The following SP9 variants were observed in gnomAD, a reference collection of about 807,000 sequenced individuals.
SP9 encodes Sp9 transcription factor, also known as transcription factor Sp9.
Under a neutral mutation model 23.0 loss-of-function variants are expected in SP9, and 5 were observed. The ratio of observed to expected loss-of-function variants is 0.22; its 90% CI spans 0.11 to 0.46. The LOEUF (loss-of-function observed/expected upper bound fraction) is 0.46, where lower values mean the gene tolerates loss of function less well. SP9 is among the 20% of genes least tolerant of loss of function. The pLI, the probability that SP9 is intolerant of heterozygous loss-of-function variation, is 0.99. For synonymous variants in SP9, 360 were observed against 356.5 expected (o/e 1.01, Z -0.11); for missense variants, 542 against 724.0 (o/e 0.75, Z 2.88).
chr2:174,337,476 C>CGGA lies in SP9; in HGVS notation c.1393_1394insAGG (p.Ala464_Ala465insGlu), dbSNP rs1262770810. 1 of 1,178,860 alleles carries CGGA rather than the reference C, an allele frequency of 8.5e-7. No homozygotes were observed. Among genetic ancestry groups the CGGA allele is most frequent in the African/African-American group, 1.6e-5 (1 of 61,420 alleles). The allele number at this position is 1,178,860 out of a possible 1,614,324, so 73.0% of individuals were successfully genotyped here. On this transcript the variant is annotated inframe_insertion, in exon 2 of 2. Transcript: ENST00000394967. ...GCGGCAGCGGCGGCGGCGGCAGCGG[C>CGGA]GGCGGCGGCGGCGGCGGCCTCCGCG...
At chr2:174,335,904 C>T in intron 1 of SP9, 1 of 551,852 alleles carries the variant, frequency 1.8e-6, no homozygotes, top group Non-Finnish European at 3.2e-6. Context: ...GCGCCTGGAC[C>T]TTCGCCCGGG....
Position 174,336,601 on chromosome 2 carries a change from G to T in SP9, c.516G>T (p.Val172=). The change falls in exon 2 of 2, where the codon GTG becomes GTT. Residue 172 remains valine (V), a synonymous_variant. Coordinates refer to ENST00000394967, the MANE Select transcript of SP9 (RefSeq NM_001145250.2). ...GFHSTLAAGE[V]TNGAASSWWD... ...ATTCGACGCTGGCGGCCGGCGAGGT[G>T]ACCAACGGCGCGGCGTCGTCGTGGT... The T allele has an allele frequency of 6.3e-6, 9 of 1,427,132 alleles. No homozygotes were observed. The highest frequency in any genetic ancestry group is 8.2e-6 in the Non-Finnish European group (9 of 1,095,054). The allele number at this position is 1,427,132 out of a possible 1,614,324, so 88.4% of individuals were successfully genotyped here.
intron 1 of SP9, 153 bp downstream of exon 1, chr2:174,335,266 C>A: frequency 1.2e-6 from 1 of 840,862 alleles, no homozygotes; most frequent in Non-Finnish European, 1.8e-6. Context: ...ACTGATTTTT[C>A]CCCAAGTTTT....
At position 174,337,572 on chromosome 2, in the gene SP9, A is replaced by G. The variant is rs1385136764; in HGVS notation, c.*32A>G. ...GGCGAGAGGCGCGAGCACACAAGCG[A>G]GTAGAGACACCGAGAACGAACGAGA... On this transcript the variant is annotated 3_prime_UTR_variant, in exon 2 of 2. Coordinates refer to ENST00000394967, the MANE Select transcript of SP9 (RefSeq NM_001145250.2). 8 of 1,141,248 alleles carry G rather than the reference A, an allele frequency of 7.0e-6. No homozygotes were observed. Among genetic ancestry groups the G allele is most frequent in the Non-Finnish European group, 8.6e-6 (8 of 930,494 alleles). The allele number at this position is 1,141,248 out of a possible 1,614,324, so 70.7% of individuals were successfully genotyped here.
Position 174,336,532 on chromosome 2 carries a change from G to A in SP9, c.447G>A (p.Val149=), listed in dbSNP as rs1684416147. 1.4e-6 allele frequency: 2 copies of A among 1,441,130 alleles called. No homozygotes were observed. Among genetic ancestry groups the A allele is most frequent in the Non-Finnish European group, 1.8e-6 (2 of 1,100,986 alleles). 89.3% of individuals were successfully genotyped at this position (1,441,130 alleles called of 1,614,324 possible). A position where few individuals can be genotyped will look rare whatever the true frequency, so the allele number is the denominator to read the frequency against. ...TTAADGLYPR[V]GMAHPYESWY... is the part of the protein sequence containing the mutation. ...CAGCCGACGGGCTGTACCCGCGCGTGGGCATGGCGCACCCGTACGAGTCCT... is the reference window on the plus strand; with the variant it reads ...CAGCCGACGGGCTGTACCCGCGCGTAGGCATGGCGCACCCGTACGAGTCCT... Residue 149 remains valine (V), a synonymous_variant, in exon 2 of 2, where the codon GTG becomes GTA. Transcript: ENST00000394967.
At chr2:174,335,310 C>A in intron 1 of SP9, 197 bp downstream of exon 1, 2 of 554,526 alleles carry the variant, frequency 3.6e-6, no homozygotes, top group Non-Finnish European at 3.3e-6. Context: ...CAAGAAAAGG[C>A]CTTCTTAATC....
At position 174,336,260 on chromosome 2, in the gene SP9, C is replaced by A. The variant is rs1246157301; in HGVS notation, c.175C>A (p.Leu59Ile). ...GAAGCGCTCCTCGTCCAGCTGCAAC[C>A]TCGGCTCCAGCCTCTCGGGCTTCGC... The part of the protein sequence containing the change: ...PWKRSSSSCN[L>I]GSSLSGFAVA... The change falls in exon 2 of 2, where the codon CTC (leucine) becomes ATC (isoleucine). Residue 59 changes from leucine (L) to isoleucine (I), a missense_variant. By Grantham distance (5) the Leu-to-Ile change is conservative (BLOSUM62 2). This residue lies in a region of SP9 where 201 missense variants were observed against 226.3 expected (regional missense o/e 0.89). Transcript: ENST00000394967. The A allele has an allele frequency of 1.3e-6, 2 of 1,544,580 alleles. No homozygotes were observed. Among genetic ancestry groups the A allele is most frequent in the South Asian group, 2.4e-5 (2 of 83,900 alleles).
rs752647941 is a variant in SP9 at position 174,336,433 on chromosome 2, G to A, written c.348G>A (p.Ala116=). The A allele has an allele frequency of 3.2e-5, 47 of 1,467,264 alleles. 1 individual carries two copies. The Middle Eastern group carries it at 1.1e-3, about 33-fold the overall frequency. 90.9% of individuals were successfully genotyped at this position (1,467,264 alleles called of 1,614,324 possible). ...TCTTCTCCAACTCGGCGGCTGCCGC[G>A]GCGGCAGCGGCCGGGGTGTCCCCGC... ...GGLFSNSAAA[A]AAAAGVSPQE... Residue 116 remains alanine, a synonymous_variant, in exon 2 of 2, where the codon GCG becomes GCA. Transcript: ENST00000394967.
Position 174,336,548 on chromosome 2 carries a change from T to C in SP9, c.463T>C (p.Tyr155His). ...LYPRVGMAHP[Y>H]ESWYKSGFHS... ...CCCGCGCGTGGGCATGGCGCACCCGTACGAGTCCTGGTACAAGTCGGGCTT... is the reference window on the plus strand; with the variant it reads ...CCCGCGCGTGGGCATGGCGCACCCGCACGAGTCCTGGTACAAGTCGGGCTT... The change falls in exon 2 of 2, where the codon TAC becomes CAC. Residue 155 changes from tyrosine (Y) to histidine (H), a missense_variant. This residue lies in a region of SP9 where 4 missense variants were observed against 23.9 expected (regional missense o/e 0.17). Coordinates refer to ENST00000394967, the MANE Select transcript of SP9 (RefSeq NM_001145250.2). The C allele has an allele frequency of 7.0e-7, 1 of 1,434,200 alleles. No individual in the cohort carries two copies. The highest frequency in any genetic ancestry group is 9.1e-7 in the Non-Finnish European group (1 of 1,097,840). The allele number at this position is 1,434,200 out of a possible 1,614,324, so 88.8% of individuals were successfully genotyped here.
chr2:174,336,067 C>G (rs1384982147), intron 1 of SP9, 40 bp from the exon 2 acceptor site: 1 of 1,537,216 alleles, frequency 6.5e-7, no homozygotes, highest in Non-Finnish European at 8.8e-7. Context: ...TCCTCTTGCC[C>G]TCCTCCTTCT....
chr2:174,337,225 G>A lies in SP9; in HGVS notation c.1140G>A (p.Gln380=). Residue 380 remains glutamine, a synonymous_variant, in exon 2 of 2, where the codon CAG becomes CAA. Transcript: ENST00000394967. ...GCTTCACGCGCTCGGACGAGCTGCA[G>A]CGGCATCTGCGGACTCACACGGGCG... The part of the protein sequence containing the change: ...GKRFTRSDEL[Q]RHLRTHTGEK... 6.3e-7 allele frequency: 1 copy of A among 1,590,270 alleles called. No individual in the cohort carries two copies. The highest frequency in any genetic ancestry group is 8.6e-7 in the Non-Finnish European group (1 of 1,168,934).
rs1684421282 is a variant in SP9 at position 174,336,777 on chromosome 2, C to T, written c.692C>T (p.Ala231Val). 6.5e-7 allele frequency: 1 copy of T among 1,532,226 alleles called. No individual in the cohort carries two copies. Among genetic ancestry groups the T allele is most frequent in the Non-Finnish European group, 8.7e-7 (1 of 1,145,188 alleles). 94.9% of individuals were successfully genotyped at this position (1,532,226 alleles called of 1,614,324 possible). A position where few individuals can be genotyped will look rare whatever the true frequency, so the allele number is the denominator to read the frequency against. ...NPDFSSLTHS[A>V]FSSTGLGSSA... ...GACTTCAGCTCGCTCACGCACTCCG[C>T]CTTCAGCTCCACGGGCCTCGGCTCC... The change falls in exon 2 of 2, where the codon GCC (alanine) becomes GTC (valine). Residue 231 changes from alanine to valine, a missense_variant. Ala to Val is a moderately conservative substitution (Grantham distance 64). Coordinates refer to ENST00000394967, the MANE Select transcript of SP9 (RefSeq NM_001145250.2).
Position 174,337,721 on chromosome 2 carries a change from G to C in SP9, c.*181G>C. 1 of 756,420 alleles carries C rather than the reference G, an allele frequency of 1.3e-6. No homozygotes were observed. Among genetic ancestry groups the C allele is most frequent in the Non-Finnish European group, 1.6e-6 (1 of 606,424 alleles). The allele number at this position is 756,420 out of a possible 1,614,324, so 46.9% of individuals were successfully genotyped here. On this transcript the variant is annotated 3_prime_UTR_variant, in exon 2 of 2. Coordinates refer to ENST00000394967, the MANE Select transcript of SP9 (RefSeq NM_001145250.2). ...GGGCTGCGGTTCGCCCGCTGTGCGA[G>C]GAGCTCCCCTCTGCCTTCCGCGCCC...
chr2:174,337,492 G>A lies in SP9; in HGVS notation c.1407G>A (p.Ala469=), dbSNP rs1684438931. Residue 469 remains alanine, a synonymous_variant, in exon 2 of 2, where the codon GCG becomes GCA. Transcript: ENST00000394967. ...AAAAAAAAAA[A]ASAGGKEAAS... is the part of the protein sequence containing the mutation. ...CGGCAGCGGCGGCGGCGGCGGCGGCGGCCTCCGCGGGAGGCAAGGAAGCAG... is the reference window on the plus strand; with the variant it reads ...CGGCAGCGGCGGCGGCGGCGGCGGCAGCCTCCGCGGGAGGCAAGGAAGCAG... 1 of 1,192,922 alleles carries A rather than the reference G, an allele frequency of 8.4e-7. No homozygotes were observed. The highest frequency in any genetic ancestry group is 3.9e-5 in the East Asian group (1 of 25,790). 73.9% of individuals were successfully genotyped at this position (1,192,922 alleles called of 1,614,324 possible). A position where few individuals can be genotyped will look rare whatever the true frequency, so the allele number is the denominator to read the frequency against.
Position 174,336,593 on chromosome 2 carries a change from G to C in SP9, c.508G>C (p.Gly170Arg). The change falls in exon 2 of 2, where the codon GGC (glycine) becomes CGC (arginine). Residue 170 changes from glycine to arginine, a missense_variant. Physicochemically the swap from Gly to Arg is moderately radical, Grantham distance 125. Around this residue, in one of 8 missense-constraint regions of SP9, gnomAD observed 144 missense variants for 158.7 expected, o/e 0.91. Transcript: ENST00000394967. ...KSGFHSTLAAGEVTNGAASSW... is the reference protein window; with the variant it reads ...KSGFHSTLAAREVTNGAASSW... ...GGGCTTCCATTCGACGCTGGCGGCC[G>C]GCGAGGTGACCAACGGCGCGGCGTC... is the stretch of plus-strand genomic sequence containing the variant. 7.0e-7 allele frequency: 1 copy of C among 1,425,374 alleles called. No individual in the cohort carries two copies. Among genetic ancestry groups the C allele is most frequent in the Non-Finnish European group, 9.1e-7 (1 of 1,094,058 alleles). The allele number at this position is 1,425,374 out of a possible 1,614,324, so 88.3% of individuals were successfully genotyped here.
At chr2:174,335,200 AC>A in intron 1 of SP9, 87 bp downstream of exon 1, 1 of 1,415,562 alleles carries the variant, frequency 7.1e-7, no homozygotes, top group South Asian at 1.2e-5. Context: ...CTCCGGAGAA[AC>A]TGTTGCTGCT....
rs1003443712 is a variant in SP9, at chr2:174,335,193, C to T, written c.21+80C>T. On this transcript the variant is annotated intron_variant, in intron 1 of 1. Transcript: ENST00000394967. The stretch of plus-strand genomic sequence containing the variant: ...TTATGGCTTCTGGGGTCTGCGGCTC[C>T]GGAGAAACTGTTGCTGCTAGACTGC... The T allele has an allele frequency of 1.9e-4, 280 of 1,461,262 alleles. 2 individuals carry two copies. The highest frequency in any genetic ancestry group is 3.5e-5 in the Non-Finnish European group (37 of 1,064,422). The allele number at this position is 1,461,262 out of a possible 1,614,324, so 90.5% of individuals were successfully genotyped here. A position where few individuals can be genotyped will look rare whatever the true frequency, so the allele number is the denominator to read the frequency against.
At chr2:174,335,890 T>C (rs1574612992) in intron 1 of SP9, 5 of 540,934 alleles carry the variant, frequency 9.2e-6, no homozygotes, top group East Asian at 3.4e-5. Context: ...AGTGCAACTT[T>C]CCGGCGCCTG....
In SP9 at chr2:174,336,325, C is replaced by T. The variant is rs1559048783; in HGVS notation, c.240C>T (p.Gly80=). The T allele has an allele frequency of 6.7e-7, 1 of 1,496,658 alleles. No individual in the cohort carries two copies. 92.7% of individuals were successfully genotyped at this position (1,496,658 alleles called of 1,614,324 possible). ...GCCGTGGCTCGGGCGGCCTGGCGGGCGGCTCGGGCGCCGCCAACAGCGCCT... is the reference window on the plus strand; with the variant it reads ...GCCGTGGCTCGGGCGGCCTGGCGGGTGGCTCGGGCGCCGCCAACAGCGCCT... ...TGGRGSGGLA[G]GSGAANSAFC... Residue 80 remains glycine (G), a synonymous_variant, in exon 2 of 2, where the codon GGC becomes GGT. Transcript: ENST00000394967.
Sources: gnomAD v4.1 joint callset for allele counts on GRCh38, gnomAD v4.1.1 for gene constraint, gnomAD v4.1.1 regional missense constraint, MANE v1.5 for transcripts, NCBI Gene and HGNC (gene_info 2026-07-23, HGNC 2026-07-21) for gene names.